RP1: variants seen among roughly 807,000 people sequenced by gnomAD.
RP1 encodes RP1 axonemal microtubule associated.
RP1 carries 16 observed loss-of-function variants against 14.8 expected under a neutral mutation model. The observed-to-expected ratio is 1.08, with a 90% CI of 0.73 to 1.65. The LOEUF (loss-of-function observed/expected upper bound fraction) is 1.65, where lower values mean the gene tolerates loss of function less well. Ranked by LOEUF, RP1 falls within the 40% of genes most tolerant of loss-of-function variation. RP1 has a pLI of 0.00. For synonymous variants in RP1, 876 were observed against 883.6 expected (o/e 0.99, Z 0.15); for missense variants, 2,631 against 2,535.0 (o/e 1.04, Z -0.81).
At chr8:54,731,274 A>G (rs1808788242) in intron 17 of RP1, among the ~76,000 whole-genome samples, 3 of 152,094 alleles carry the variant, frequency 2.0e-5, no homozygotes, top group African/African-American at 7.2e-5. Flanking sequence ...TTGGTGTTTA[A>G]TTAAATTGTT....
chr8:54,787,613 T>C (rs954554140), intron 24 of RP1, among the ~76,000 whole-genome samples: 13 of 152,220 alleles, frequency 8.5e-5, no homozygotes, highest in African/African-American at 3.1e-4. Context: ...CGCTAAATAG[T>C]ATTCTCCGTT....
At chr8:54,714,528 GAA>G (rs746364036) in intron 15 of RP1, among the ~76,000 whole-genome samples, 4 of 152,158 alleles carry the variant, frequency 2.6e-5, no homozygotes, top group Non-Finnish European at 4.4e-5. Context: ...CCCAGGAACT[GAA>G]GACAGCAAGA....
intron 22 of RP1, among the ~76,000 whole-genome samples, chr8:54,765,109 A>G (rs1708048169): frequency 6.6e-6 from 1 of 152,246 alleles, no homozygotes; most frequent in Non-Finnish European, 1.5e-5. Flanking sequence ...AGCAGGCCGC[A>G]TCTCCATGCA....
chr8:54,718,550 G>A (rs962193276), intron 15 of RP1, among the ~76,000 whole-genome samples: 1 of 152,176 alleles, frequency 6.6e-6, no homozygotes, highest in African/African-American at 2.4e-5. Context: ...GCTTAAACAT[G>A]TCCATGAATG....
At chr8:54,631,918 C>T (rs1441928371), downstream of RP1, among the ~76,000 whole-genome samples, 14 of 151,808 alleles carry the variant, frequency 9.2e-5, no homozygotes, top group African/African-American at 2.4e-4. Flanking sequence ...CTCGGCTCAC[C>T]GCAACCCCTG....
intron 25 of RP1, among the ~76,000 whole-genome samples, chr8:54,849,459 C>T (rs1812008413): frequency 6.6e-6 from 1 of 151,930 alleles, no homozygotes; most frequent in African/African-American, 2.4e-5. Context: ...TAAATATATC[C>T]TTATGACTAA....
At chr8:54,758,465 G>T (rs1809561762) in intron 21 of RP1, among the ~76,000 whole-genome samples, 1 of 149,312 alleles carries the variant, frequency 6.7e-6, no homozygotes, top group African/African-American at 2.5e-5. Context: ...AAGGAGGGAG[G>T]GAGGGAGGGA....
chr8:54,793,705 C>A (rs923330892), intron 24 of RP1, among the ~76,000 whole-genome samples: 3 of 151,810 alleles, frequency 2.0e-5, no homozygotes, highest in Non-Finnish European at 1.5e-5. Context: ...ATATGATAAA[C>A]CCACAGCAAA....
intron 3 of RP1, among the ~76,000 whole-genome samples, chr8:54,623,014 T>G (rs1805924231): frequency 6.6e-6 from 1 of 152,210 alleles, no homozygotes; most frequent in Non-Finnish European, 1.5e-5. Context: ...TTTTTATACT[T>G]AAATTTAAGT....
At chr8:54,812,440 C>A (rs894502249) in intron 24 of RP1, among the ~76,000 whole-genome samples, 3 of 152,180 alleles carry the variant, frequency 2.0e-5, no homozygotes, top group African/African-American at 2.4e-5. Context: ...TGTGCTTGGC[C>A]TTTGTTTGCT....
intron 1 of RP1, among the ~76,000 whole-genome samples, chr8:54,597,727 T>C (rs2129303206): frequency 6.6e-6 from 1 of 152,262 alleles, no homozygotes; most frequent in African/African-American, 2.4e-5. Flanking sequence ...AAATAAACAA[T>C]GCCAGACAAA....
intron 19 of RP1, among the ~76,000 whole-genome samples, chr8:54,752,702 C>T (rs1441132658): frequency 6.6e-6 from 1 of 152,144 alleles, no homozygotes; most frequent in Non-Finnish European, 1.5e-5. Context: ...CTTGCATACC[C>T]CCCACACTCT....
chr8:54,833,467 T>C (rs1423503972), intron 24 of RP1, among the ~76,000 whole-genome samples: 2 of 151,964 alleles, frequency 1.3e-5, no homozygotes, highest in Non-Finnish European at 2.9e-5. Flanking sequence ...CCTTCTAGAA[T>C]AAAAGTGGAA....
At chr8:54,568,136 G>A (rs997904459) in intron 1 of RP1, among the ~76,000 whole-genome samples, 3 of 152,102 alleles carry the variant, frequency 2.0e-5, no homozygotes, top group Non-Finnish European at 4.4e-5. Flanking sequence ...AGAACAAGAA[G>A]GAGGAAAAGG....
At chr8:54,818,486 C>T (rs779169934) in intron 24 of RP1, among the ~76,000 whole-genome samples, 2 of 152,182 alleles carry the variant, frequency 1.3e-5, no homozygotes, top group Non-Finnish European at 2.9e-5. Context: ...AACAAACACA[C>T]AGATTCAGTA....
intron 1 of RP1, among the ~76,000 whole-genome samples, chr8:54,591,987 A>T (rs1805051717): frequency 6.6e-6 from 1 of 152,188 alleles, no homozygotes; most frequent in South Asian, 2.1e-4. Context: ...AAGCAGCCCA[A>T]ACACTAGAAG....
rs1351755342 is a variant in RP1 at position 54,791,528 on chromosome 8, A to T, written c.3615+7818A>T. Among the ~76,000 whole-genome samples, 4 of 152,180 alleles carry T rather than the reference A, an allele frequency of 2.6e-5. No homozygotes were observed. The East Asian group carries it at 7.7e-4, about 29-fold the overall frequency. On this transcript the variant is annotated intron_variant, in intron 24 of 28. Coordinates refer to the RP1 transcript ENST00000637698. The stretch of plus-strand genomic sequence containing the variant: ...AAATGTATTAAAAATAACTAACAAC[A>T]ATAACTTGCTATTAGATATACATAA...
chr8:54,865,925 T>C, intron 28 of RP1: 1 of 1,187,240 alleles, frequency 8.4e-7, no homozygotes, highest in Non-Finnish European at 1.1e-6. Context: ...AGGTATGCTC[T>C]TAATGCATTA....
intron 1 of RP1, among the ~76,000 whole-genome samples, chr8:54,580,988 TTTTA>T (rs71254587): frequency 5.5e-5 from 8 of 146,738 alleles, no homozygotes; most frequent in African/African-American, 9.7e-5. Flanking sequence ...CTCAAATTCT[TTTTA>T]TTTATTTATC....
Sources: gnomAD v4.1 joint callset for allele counts (sites outside exome capture counted in the v4.1 genomes callset) on GRCh38, gnomAD v4.1.1 for gene constraint, MANE v1.5 for transcripts, NCBI Gene and HGNC (gene_info 2026-07-23, HGNC 2026-07-21) for gene names.